The following CENPH variants were observed in gnomAD, a reference collection of about 807,000 sequenced individuals.
The protein encoded by CENPH is CENP-H.
Under a neutral mutation model 42.9 loss-of-function variants are expected in CENPH, and 40 were observed. That is an observed-to-expected ratio of 0.93 (90% CI 0.72 to 1.21). The LOEUF is 1.21. CENPH is among the 50% of genes most tolerant of loss of function. The pLI, the probability that CENPH is intolerant of heterozygous loss-of-function variation, is 0.00. For missense variants in CENPH, 302 were observed against 292.9 expected, an observed-to-expected ratio of 1.03 and a Z score of -0.23; for synonymous variants, 88 against 96.5, an observed-to-expected ratio of 0.91 and a Z score of 0.52.
chr5:69,191,075 A>G (rs1002672589), intron 1 of CENPH, among the ~76,000 whole-genome samples: 4 of 152,162 alleles, frequency 2.6e-5, no homozygotes, highest in Non-Finnish European at 5.9e-5. Context: ...AAACTATATG[A>G]ATTAGTAATC....
In CENPH at chr5:69,202,959, A is replaced by G. The variant is rs116129735; in HGVS notation, c.476A>G (p.Lys159Arg). 2.8e-5 allele frequency: 44 copies of G among 1,591,434 alleles called. No individual in the cohort carries two copies. In the East Asian group the frequency reaches 7.6e-4, roughly 28 times the overall value. The change falls in exon 7 of 9, where the codon AAG (lysine) becomes AGG (arginine). Residue 159 changes from lysine to arginine, a missense_variant. Transcript: ENST00000283006. ...GAGGAAAAACTGCTTGATATTAGAA[A>G]GAAGAGATTGCGTATGTAGAACACT... is the stretch of plus-strand genomic sequence containing the variant. ...DLEEKLLDIR[K>R]KRLQLKQASE... is the part of the protein sequence containing the mutation.
At chr5:69,197,913 CTTTTTTTTTT>C (rs1172938522) in intron 5 of CENPH, among the ~76,000 whole-genome samples, 1 of 74,130 alleles carries the variant, frequency 1.3e-5, no homozygotes, top group African/African-American at 5.7e-5. Context: ...TACCTATGAT[CTTTTTTTTTT>C]TTTTTTTTTT....
chr5:69,192,682 A>G (rs1334730949), intron 2 of CENPH, among the ~76,000 whole-genome samples: 2 of 152,128 alleles, frequency 1.3e-5, no homozygotes, highest in African/African-American at 4.8e-5. Context: ...ACTCACTACA[A>G]CATCCAACTC....
intron 7 of CENPH, among the ~76,000 whole-genome samples, chr5:69,204,604 T>C (rs1476827978): frequency 2.4e-5 from 3 of 124,844 alleles, no homozygotes; most frequent in Non-Finnish European, 3.4e-5. Flanking sequence ...TTTCTTTTTT[T>C]TTTTTTTTTT....
At chr5:69,190,804 T>G (rs1489042886) in intron 1 of CENPH, among the ~76,000 whole-genome samples, 1 of 151,776 alleles carries the variant, frequency 6.6e-6, no homozygotes, top group African/African-American at 2.4e-5. Flanking sequence ...GCAAGAGAAT[T>G]GATTGAACCC....
At chr5:69,190,839 G>A (rs1747855861) in intron 1 of CENPH, among the ~76,000 whole-genome samples, 1 of 151,886 alleles carries the variant, frequency 6.6e-6, no homozygotes, top group Non-Finnish European at 1.5e-5. Flanking sequence ...GCAGTGAGCA[G>A]AAGATTGTGC....
At chr5:69,192,657 A>G (rs866336054) in intron 2 of CENPH, among the ~76,000 whole-genome samples, 3 of 152,158 alleles carry the variant, frequency 2.0e-5, no homozygotes, top group Non-Finnish European at 4.4e-5. Context: ...ATACATACCT[A>G]TAGTCCCAGC....
At chr5:69,197,601 A>G (rs1410671554) in intron 5 of CENPH, 2 of 152,122 alleles carry the variant, frequency 1.3e-5, no homozygotes, top group African/African-American at 4.8e-5. Context: ...GAATTGAACA[A>G]TGAGAAAACA....
At chr5:69,195,949 A>G (rs1196007957) in intron 4 of CENPH, among the ~76,000 whole-genome samples, 158 bp downstream of exon 4, 1 of 151,994 alleles carries the variant, frequency 6.6e-6, no homozygotes, top group Non-Finnish European at 1.5e-5. Context: ...TATTGTTATA[A>G]TTTTTTAATT....
intron 8 of CENPH, among the ~76,000 whole-genome samples, 167 bp from the exon 9 acceptor site, chr5:69,209,540 C>CAA (rs1024833550): frequency 8.1e-6 from 1 of 123,568 alleles, no homozygotes; most frequent in Non-Finnish European, 1.7e-5. Context: ...GACTCCGACT[C>CAA]AAAAAAAAAA....
chr5:69,204,378 ACTC>A (rs548527308), intron 7 of CENPH, among the ~76,000 whole-genome samples: 61 of 145,786 alleles, frequency 4.2e-4, no homozygotes, highest in African/African-American at 1.3e-3. Context: ...GCAGCTTTGA[ACTC>A]CTGGGCTCAA....
At chr5:69,194,626 C>CA in intron 2 of CENPH, 21 bp from the exon 3 acceptor site, 1 of 1,506,088 alleles carries the variant, frequency 6.6e-7, no homozygotes, top group Non-Finnish European at 9.1e-7. Context: ...TTAGTAACTT[C>CA]AAAAAATTAT....
intron 5 of CENPH, among the ~76,000 whole-genome samples, chr5:69,201,663 A>T (rs929927174): frequency 6.6e-6 from 1 of 152,158 alleles, no homozygotes; most frequent in Admixed American, 6.5e-5. Context: ...GTTCCAGACC[A>T]GTCTGGGCAA....
In CENPH at chr5:69,202,960, G is replaced by T; in HGVS notation, c.477G>T (p.Lys159Asn). The change falls in exon 7 of 9, where the codon AAG (lysine) becomes AAT (asparagine). Residue 159 changes from lysine (K) to asparagine (N), a missense_variant. Physicochemically the swap from Lys to Asn is moderately conservative, Grantham distance 94. Coordinates refer to ENST00000283006, the MANE Select transcript of CENPH (RefSeq NM_022909.4). ...AGGAAAAACTGCTTGATATTAGAAA[G>T]AAGAGATTGCGTATGTAGAACACTT... is the stretch of plus-strand genomic sequence containing the variant. ...DLEEKLLDIR[K>N]KRLQLKQASE... 6.3e-7 allele frequency: 1 copy of T among 1,590,256 alleles called. No homozygotes were observed. Among genetic ancestry groups the T allele is most frequent in the South Asian group, 1.1e-5 (1 of 87,724 alleles).
Position 69,189,646 on chromosome 5 carries a change from G to C in CENPH, c.12G>C (p.Gln4His). ...CCCCTCAACCAGCAATGGAGGAGCA[G>C]CCCCAGATGCAAGACGCCGACGAGC... MEEQPQMQDADEPA... is the reference protein window; with the variant it reads MEEHPQMQDADEPA... The change falls in exon 1 of 9, where the codon CAG (glutamine) becomes CAC (histidine). Residue 4 changes from glutamine (Q) to histidine (H), a missense_variant. Gln to His is a conservative substitution (Grantham distance 24). Coordinates refer to ENST00000283006, the MANE Select transcript of CENPH (RefSeq NM_022909.4). The C allele has an allele frequency of 6.2e-7, 1 of 1,601,772 alleles. No individual in the cohort carries two copies. The highest frequency in any genetic ancestry group is 1.1e-5 in the South Asian group (1 of 89,606).
At chr5:69,193,903 C>T (rs753088693) in intron 2 of CENPH, among the ~76,000 whole-genome samples, 3 of 152,018 alleles carry the variant, frequency 2.0e-5, no homozygotes, top group East Asian at 3.9e-4. Context: ...CCACCTGCCT[C>T]GGCCTCCCAA....
intron 1 of CENPH, 95 bp downstream of exon 1, chr5:69,189,863 C>A: frequency 1.5e-6 from 2 of 1,334,140 alleles, no homozygotes; most frequent in South Asian, 1.6e-5. Context: ...AATTCACGCT[C>A]GGTCACGTCA....
intron 5 of CENPH, 193 bp downstream of exon 5, chr5:69,197,302 T>A: frequency 2.4e-6 from 1 of 412,728 alleles, no homozygotes; most frequent in South Asian, 8.3e-5. Flanking sequence ...CCGTATGGAT[T>A]GTAACTGTAA....
chr5:69,204,845 T>A (rs1206206609), intron 7 of CENPH, among the ~76,000 whole-genome samples: 2 of 151,328 alleles, frequency 1.3e-5, no homozygotes, highest in African/African-American at 4.9e-5. Context: ...ATCTCGTGAT[T>A]CATCCACCTC....
Sources: gnomAD v4.1 joint callset for allele counts (sites outside exome capture counted in the v4.1 genomes callset) on GRCh38, gnomAD v4.1.1 for gene constraint, MANE v1.5 for transcripts, NCBI Gene and HGNC (gene_info 2026-07-23, HGNC 2026-07-21) for gene names.